Variants in STARD9 observed in about 807,000 individuals in gnomAD.
STARD9 encodes StAR related lipid transfer domain containing 9.
In STARD9, 346 loss-of-function variants were observed where a neutral mutation model predicts 399.8. The observed-to-expected ratio is 0.87, with a 90% CI of 0.79 to 0.95. STARD9 has a LOEUF of 0.95. Among genes scored for constraint, STARD9 ranks in the 40% least tolerant of loss-of-function variants. The pLI is 0.00. For missense variants in STARD9, 5,832 were observed against 5,667.5 expected, an observed-to-expected ratio of 1.03 and a Z score of -0.93; for synonymous variants, 2,203 against 2,143.5, an observed-to-expected ratio of 1.03 and a Z score of -0.77.
intron 3 of STARD9, among the ~76,000 whole-genome samples, chr15:42,598,544 A>T (rs2058561996): frequency 1.3e-5 from 2 of 151,100 alleles, no homozygotes; most frequent in African/African-American, 4.9e-5. Flanking sequence ...TCAGCTTTAT[A>T]TTTTTTCCCC....
At chr15:42,623,094 A>C (rs2059123504) in intron 3 of STARD9, among the ~76,000 whole-genome samples, 1 of 152,230 alleles carries the variant, frequency 6.6e-6, no homozygotes, top group African/African-American at 2.4e-5. Flanking sequence ...TCTACTAAAA[A>C]TACAAAAATT....
At chr15:42,672,079 ACCTTTTGTTTGT>A (rs2060213535) in intron 16 of STARD9, 4 of 151,978 alleles carry the variant, frequency 2.6e-5, no homozygotes, top group Admixed American at 2.6e-4. Context: ...TACTTTCCCC[ACCTTTTGTTTGT>A]TTAGCTATTG....
chr15:42,684,737 A>C lies in STARD9; in HGVS notation c.3159A>C (p.Arg1053Ser). 3.3e-6 allele frequency: 5 copies of C among 1,537,230 alleles called. No individual in the cohort carries two copies. Among genetic ancestry groups the C allele is most frequent in the Non-Finnish European group, 4.4e-6 (5 of 1,146,920 alleles). Reference protein sequence around the residue: ...RHQRVLATRVRNITKKSSHLP... With the variant: ...RHQRVLATRVSNITKKSSHLP... ...AGAGGGTTCTGGCAACTAGGGTCAGAAATATTACCAAAAAGTCCTCTCACT... is the reference window on the plus strand; with the variant it reads ...AGAGGGTTCTGGCAACTAGGGTCAGCAATATTACCAAAAAGTCCTCTCACT... The change falls in exon 23 of 33, where the codon AGA (arginine) becomes AGC (serine). Residue 1053 changes from arginine to serine, a missense_variant. Physicochemically the swap from Arg to Ser is moderately radical, Grantham distance 110. Coordinates refer to ENST00000290607, the MANE Select transcript of STARD9 (RefSeq NM_020759.3).
chr15:42,676,007 C>A (rs1230791588), intron 20 of STARD9, 32 bp downstream of exon 20: 1 of 1,407,500 alleles, frequency 7.1e-7, no homozygotes, highest in East Asian at 2.6e-5. Context: ...TGATGTGGAA[C>A]CTACTGGGTT....
At chr15:42,695,980 G>A (rs1003086293) in intron 26 of STARD9, 100 bp downstream of exon 26, 8 of 1,316,314 alleles carry the variant, frequency 6.1e-6, no homozygotes, top group South Asian at 4.6e-5. Context: ...AAGACGCCGT[G>A]CCTCCTGGAG....
intron 3 of STARD9, among the ~76,000 whole-genome samples, chr15:42,630,438 G>A (rs2141896695): frequency 6.6e-6 from 1 of 152,208 alleles, no homozygotes; most frequent in Admixed American, 6.5e-5. Flanking sequence ...TGGTATCAGG[G>A]TAATACTGGC....
At chr15:42,682,898 T>C (rs1483317655) in intron 22 of STARD9, among the ~76,000 whole-genome samples, 1 of 152,198 alleles carries the variant, frequency 6.6e-6, no homozygotes, top group Non-Finnish European at 1.5e-5. Flanking sequence ...TTTCCTTGTA[T>C]GTCACACCTC....
At chr15:42,664,038 T>C (rs1301286501) in intron 13 of STARD9, 121 bp downstream of exon 13, 3 of 659,550 alleles carry the variant, frequency 4.5e-6, no homozygotes, top group Non-Finnish European at 8.0e-6. Context: ...GTCCTCCAGA[T>C]GATGAGGGAG....
chr15:42,648,777 C>A (rs1214763081), intron 7 of STARD9, among the ~76,000 whole-genome samples: 1 of 152,088 alleles, frequency 6.6e-6, no homozygotes, highest in East Asian at 1.9e-4. Flanking sequence ...CCCTCCACTA[C>A]CATTACCTCT....
intron 21 of STARD9, 124 bp downstream of exon 21, chr15:42,681,736 G>A: frequency 2.2e-6 from 2 of 911,762 alleles, no homozygotes; most frequent in Non-Finnish European, 3.2e-6. Flanking sequence ...GGTATTAGGT[G>A]TTCTCTTTTC....
In STARD9 at chr15:42,682,193, G is replaced by T; in HGVS notation, c.2155G>T (p.Ala719Ser). 6.5e-7 allele frequency: 1 copy of T among 1,537,236 alleles called. No homozygotes were observed. Among genetic ancestry groups the T allele is most frequent in the Non-Finnish European group, 8.7e-7 (1 of 1,146,890 alleles). ...EDQVAEKELE[A>S]SVALDAWLQT... ...CCAGGTAGCAGAGAAAGAACTTGAGGCATCTGTGGCACTTGATGCTTGGCT... is the reference window on the plus strand; with the variant it reads ...CCAGGTAGCAGAGAAAGAACTTGAGTCATCTGTGGCACTTGATGCTTGGCT... The change falls in exon 22 of 33, where the codon GCA (alanine) becomes TCA (serine). Residue 719 changes from alanine to serine, a missense_variant. Coordinates refer to ENST00000290607, the MANE Select transcript of STARD9 (RefSeq NM_020759.3).
Position 42,688,384 on chromosome 15 carries a change from CA to C in STARD9, c.6810del (p.Ala2271LeufsTer22). The C allele has an allele frequency of 2.0e-6, 3 of 1,537,362 alleles. No individual in the cohort carries two copies. Among genetic ancestry groups the C allele is most frequent in the Non-Finnish European group, 2.6e-6 (3 of 1,146,950 alleles). ...GTAAGTAGTTCCAACCAAGAAGAGC[CA>C]AAAGCTCAAGGTAAAGTTGAAGAAA... Reference protein sequence around the residue: ...EHVSSSNQEEPKAQGKVEEMP... With the variant: ...EHVSSSNQEEXKAQGKVEEMP... On this transcript the variant is annotated frameshift_variant, in exon 23 of 33. Transcript: ENST00000290607. LOFTEE classifies it high-confidence loss of function.
chr15:42,589,753 C>A (rs1008432462), intron 3 of STARD9, among the ~76,000 whole-genome samples: 1 of 151,610 alleles, frequency 6.6e-6, no homozygotes, highest in African/African-American at 2.4e-5. Flanking sequence ...ATTACAGGCG[C>A]CTGCCACCAT....
intron 26 of STARD9, among the ~76,000 whole-genome samples, chr15:42,699,798 C>A (rs1216471442): frequency 2.6e-5 from 4 of 152,004 alleles, no homozygotes; most frequent in African/African-American, 9.7e-5. Context: ...CCTCCGTCTC[C>A]CGGGTTCAAG....
At chr15:42,638,202 A>G in intron 6 of STARD9, 115 bp downstream of exon 6, 1 of 936,156 alleles carries the variant, frequency 1.1e-6, no homozygotes, top group Non-Finnish European at 1.6e-6. Flanking sequence ...GAGAAAAGCC[A>G]CAGAAGAAAT....
chr15:42,711,089 C>T (rs938495168), intron 26 of STARD9, among the ~76,000 whole-genome samples: 13 of 152,022 alleles, frequency 8.6e-5, no homozygotes, highest in Admixed American at 4.6e-4. Context: ...GTGATCCTCC[C>T]GCCTCAGCCT....
chr15:42,709,877 G>A (rs1299413650), intron 26 of STARD9, among the ~76,000 whole-genome samples: 1 of 152,040 alleles, frequency 6.6e-6, no homozygotes, highest in Non-Finnish European at 1.5e-5. Flanking sequence ...AGAAAGTGCA[G>A]TCCCTTCTTC....
intron 3 of STARD9, chr15:42,629,704 G>A (rs1252525653): frequency 6.6e-6 from 1 of 152,196 alleles, no homozygotes; most frequent in Admixed American, 6.5e-5. Flanking sequence ...TAGAGGGAAA[G>A]GCTTTCAGTT....
chr15:42,667,500 G>GCA, intron 15 of STARD9, among the ~76,000 whole-genome samples: 1 of 143,660 alleles, frequency 7.0e-6, no homozygotes, highest in East Asian at 2.2e-4. Flanking sequence ...TATTATTTTG[G>GCA]GACAGAGTTT....
Sources: gnomAD v4.1 joint callset for allele counts (sites outside exome capture counted in the v4.1 genomes callset) on GRCh38, gnomAD v4.1.1 for gene constraint, MANE v1.5 for transcripts, NCBI Gene and HGNC (gene_info 2026-07-23, HGNC 2026-07-21) for gene names.